CEP104: variants seen among roughly 807,000 people sequenced by gnomAD.
CEP104 encodes centrosomal protein of 104 kDa.
A neutral mutation model predicts 113.3 loss-of-function variants in CEP104; 84 were observed. That is an observed-to-expected ratio of 0.74 (90% CI 0.62 to 0.89). The LOEUF (loss-of-function observed/expected upper bound fraction) is 0.89, where lower values mean the gene tolerates loss of function less well. Ranked by LOEUF, CEP104 falls within the 40% of genes least tolerant of loss-of-function variation. The probability of loss-of-function intolerance (pLI) is 0.00; values close to 1 mark genes in which losing one functional copy is unlikely to be tolerated. For missense variants in CEP104, 1,053 were observed against 1,156.6 expected (o/e 0.91, Z 1.30); for synonymous variants, 378 against 421.7 (o/e 0.90, Z 1.27).
At chr1:3,835,376 CT>C (rs1434205186) in intron 10 of CEP104, among the ~76,000 whole-genome samples, 1 of 152,128 alleles carries the variant, frequency 6.6e-6, no homozygotes, top group Non-Finnish European at 1.5e-5. Context: ...GAAAACCCTA[CT>C]CATTTCTTTT....
intron 8 of CEP104, 138 bp downstream of exon 8, chr1:3,838,826 C>G (rs1644361446): frequency 1.1e-6 from 1 of 885,224 alleles, no homozygotes; most frequent in African/African-American, 1.7e-5. Flanking sequence ...AGAGCTGAGG[C>G]CATCCATAAC....
chr1:3,825,688 T>G (rs1644076409), intron 18 of CEP104, 70 bp downstream of exon 18: 1 of 998,844 alleles, frequency 1.0e-6, no homozygotes, highest in East Asian at 2.4e-5. Context: ...GACAGCTTTT[T>G]GACTCGGCCT....
At chr1:3,856,808 C>G (rs1217660001) in intron 1 of CEP104, 81 bp downstream of exon 1, 1 of 134,586 alleles carries the variant, frequency 7.4e-6, no homozygotes, top group Non-Finnish European at 1.5e-5. Context: ...GGACCGCGCC[C>G]CCGCGGCGCC....
Position 3,835,222 on chromosome 1 carries a change from G to T in CEP104, c.1318-130C>A. On this transcript the variant is annotated intron_variant, in intron 10 of 21. Coordinates refer to ENST00000378230, the MANE Select transcript of CEP104 (RefSeq NM_014704.4). Reference sequence around the variant, plus strand: ...GAACAGAACTTTTATAAATGAAAATGATTCATTTCTAATAATAGAACTTTT... The same window carrying T: ...GAACAGAACTTTTATAAATGAAAATTATTCATTTCTAATAATAGAACTTTT... The T allele has an allele frequency of 6.8e-6, 4 of 587,372 alleles. No individual in the cohort carries two copies. In the South Asian group the frequency reaches 1.9e-4, roughly 28 times the overall value. 36.4% of individuals were successfully genotyped at this position (587,372 alleles called of 1,614,324 possible).
chr1:3,833,945 C>T lies in CEP104; in HGVS notation c.1576G>A (p.Val526Met), dbSNP rs754686307. 1 of 1,614,082 alleles carries T rather than the reference C, an allele frequency of 6.2e-7. No homozygotes were observed. Among genetic ancestry groups the T allele is most frequent in the Non-Finnish European group, 8.5e-7 (1 of 1,179,906 alleles). Residue 526 changes from valine (V) to methionine (M), a missense_variant, in exon 12 of 22, where the codon GTG becomes ATG. By Grantham distance (21) the Val-to-Met change is conservative (BLOSUM62 1). Coordinates refer to ENST00000378230, the MANE Select transcript of CEP104 (RefSeq NM_014704.4). Reference sequence around the variant, plus strand: ...AGCAAAACGGGAATGGTCCTCTCCACACAGTGAGCTGTTTCAAGTTTACTC... The same window carrying T: ...AGCAAAACGGGAATGGTCCTCTCCATACAGTGAGCTGTTTCAAGTTTACTC... ...KLSKLETAHC[V>M]ERTIPVLLTR... is the part of the protein sequence containing the mutation.
Position 3,823,273 on chromosome 1 carries a change from C to G in CEP104, c.2504-32G>C. Reference sequence around the variant, plus strand: ...TGATTTTAAAAAGACTCAGTCGCTCCCTGAATGACAGGCGACAAGACATGC... The same window carrying G: ...TGATTTTAAAAAGACTCAGTCGCTCGCTGAATGACAGGCGACAAGACATGC... On this transcript the variant is annotated intron_variant, in intron 19 of 21. Coordinates refer to ENST00000378230, the MANE Select transcript of CEP104 (RefSeq NM_014704.4). This position sits in a 1 kb window ranked among gnomAD's most constrained non-coding sequence, Gnocchi z 4.1. 6.2e-7 allele frequency: 1 copy of G among 1,613,554 alleles called. No homozygotes were observed. The highest frequency in any genetic ancestry group is 8.5e-7 in the Non-Finnish European group (1 of 1,179,496).
At chr1:3,822,022 C>T (rs892893298) in intron 20 of CEP104, among the ~76,000 whole-genome samples, 9 of 152,168 alleles carry the variant, frequency 5.9e-5, no homozygotes, top group African/African-American at 1.4e-4. Context: ...AAAGCTCCGA[C>T]GGGAACATTT....
At chr1:3,852,594 G>A (rs1309990126) in intron 1 of CEP104, among the ~76,000 whole-genome samples, 173 bp from the exon 2 acceptor site, 2 of 152,050 alleles carry the variant, frequency 1.3e-5, no homozygotes, top group African/African-American at 4.8e-5. Context: ...TTTTATAGAT[G>A]CTTCTGGTTC....
At chr1:3,841,352 G>A (rs1463140400) in intron 6 of CEP104, among the ~76,000 whole-genome samples, 1 of 152,092 alleles carries the variant, frequency 6.6e-6, no homozygotes, top group African/African-American at 2.4e-5. Context: ...ACAGGCTGGC[G>A]GCTGGGACGG....
In CEP104 at chr1:3,838,339, C is replaced by T. The variant is rs184938197; in HGVS notation, c.891+625G>A. On this transcript the variant is annotated intron_variant, in intron 8 of 21. Transcript: ENST00000378230. ...GGCTATTACTTACTTTTTGTAGAGA[C>T]AGGGTCTCTCTATGTTGCCCAGGCT... 8.5e-5 allele frequency among the ~76,000 whole-genome samples: 13 copies of T among 152,268 alleles called. 1 individual carries two copies. In the East Asian group the frequency reaches 2.3e-3, roughly 27 times the overall value.
chr1:3,848,081 C>G (rs866711444), intron 3 of CEP104, among the ~76,000 whole-genome samples: 37 of 152,154 alleles, frequency 2.4e-4, no homozygotes, highest in African/African-American at 8.7e-4. Context: ...AGAAAATTTC[C>G]ACATCTGAAA....
At chr1:3,830,238 A>G (rs894633566) in intron 13 of CEP104, among the ~76,000 whole-genome samples, 8 of 150,872 alleles carry the variant, frequency 5.3e-5, no homozygotes, top group Non-Finnish European at 1.0e-4. Context: ...CTATAGTGCA[A>G]TTTCATCCCT....
At chr1:3,841,728 G>A (rs1407105024) in intron 6 of CEP104, among the ~76,000 whole-genome samples, 1 of 152,166 alleles carries the variant, frequency 6.6e-6, no homozygotes, top group African/African-American at 2.4e-5. Context: ...ATAAAACCCC[G>A]GGCGTGGGGC....
rs1361291756 is a variant in CEP104, at chr1:3,815,132, T to A, written c.*270A>T. On this transcript the variant is annotated 3_prime_UTR_variant, in exon 22 of 22. Coordinates refer to ENST00000378230, the MANE Select transcript of CEP104 (RefSeq NM_014704.4). ...TCTCTCCAAACAGGACGCTTCCTTC[T>A]CTGATTCTAAGGAAGGCCTGAGACA... 2.2e-6 allele frequency: 1 copy of A among 449,608 alleles called. No individual in the cohort carries two copies. Among genetic ancestry groups the A allele is most frequent in the East Asian group, 4.3e-5 (1 of 23,030 alleles). The allele number at this position is 449,608 out of a possible 1,614,324, so 27.9% of individuals were successfully genotyped here.
In CEP104 at chr1:3,848,628, T is replaced by C; in HGVS notation, c.267A>G (p.Ala89=). Reference sequence around the variant, plus strand: ...CTTACCCAAGTCTTCGAAACCGCTCTGCTTGATAGGGTGCAAAATATTCAG... The same window carrying C: ...CTTACCCAAGTCTTCGAAACCGCTCCGCTTGATAGGGTGCAAAATATTCAG... ...SLPEYFAPYQ[A]ERFRRLGYVS... Residue 89 remains alanine (A), a synonymous_variant, in exon 3 of 22, where the codon GCA becomes GCG. Coordinates refer to ENST00000378230, the MANE Select transcript of CEP104 (RefSeq NM_014704.4). The C allele has an allele frequency of 6.2e-7, 1 of 1,611,916 alleles. No homozygotes were observed. Among genetic ancestry groups the C allele is most frequent in the African/African-American group, 1.3e-5 (1 of 74,874 alleles).
At position 3,815,327 on chromosome 1, in the gene CEP104, G is replaced by C. The variant is rs967349015; in HGVS notation, c.*75C>G. On this transcript the variant is annotated 3_prime_UTR_variant, in exon 22 of 22. Coordinates refer to ENST00000378230, the MANE Select transcript of CEP104 (RefSeq NM_014704.4). ...AGAGCATGGGGCCACCAAGGCCAGA[G>C]AGTTCTGGAGAGATGGTGTAGAATC... 1.1e-4 allele frequency: 125 copies of C among 1,140,030 alleles called. No individual in the cohort carries two copies. Among genetic ancestry groups the C allele is most frequent in the Non-Finnish European group, 1.5e-4 (120 of 785,018 alleles). The allele number at this position is 1,140,030 out of a possible 1,614,324, so 70.6% of individuals were successfully genotyped here. A position where few individuals can be genotyped will look rare whatever the true frequency, so the allele number is the denominator to read the frequency against.
rs1334004284 is a variant in CEP104, at chr1:3,812,642, A to C, written c.*2760T>G. The C allele has an allele frequency of 6.6e-6, 1 of 152,200 alleles. No homozygotes were observed. Among genetic ancestry groups the C allele is most frequent in the African/African-American group, 2.4e-5 (1 of 41,436 alleles). The allele number at this position is 152,200 out of a possible 1,614,324, so 9.4% of individuals were successfully genotyped here. On this transcript the variant is annotated 3_prime_UTR_variant, in exon 22 of 22. Transcript: ENST00000378230. ...ATCACAAGGTCAGGAGTTTGAGACC[A>C]GCCTGGCCAATATGGTGAAACCCCG...
At chr1:3,836,213 G>A (rs997317090) in intron 10 of CEP104, among the ~76,000 whole-genome samples, 7 of 151,786 alleles carry the variant, frequency 4.6e-5, no homozygotes, top group Non-Finnish European at 8.8e-5. Flanking sequence ...GGCTGAGGTA[G>A]GAGAACAGGG....
In CEP104 at chr1:3,852,371, A is replaced by G. The variant is rs1209342079; in HGVS notation, c.37T>C (p.Ser13Pro). 2.5e-6 allele frequency: 4 copies of G among 1,614,118 alleles called. No homozygotes were observed. The highest frequency in any genetic ancestry group is 3.4e-6 in the Non-Finnish European group (4 of 1,180,028). Reference protein sequence around the residue: ...HKIGFVVVSSSGHEDGFSARE... With the variant: ...HKIGFVVVSSPGHEDGFSARE... ...GCACTGAAGCCGTCTTCGTGTCCAG[A>G]TGAGCTGACGACTACAAATCCAATC... Residue 13 changes from serine (S) to proline (P), a missense_variant, in exon 2 of 22, where the codon TCT becomes CCT. Physicochemically the swap from Ser to Pro is moderately conservative, Grantham distance 74. Transcript: ENST00000378230.
Sources: gnomAD v4.1 joint callset for allele counts (sites outside exome capture counted in the v4.1 genomes callset) on GRCh38, gnomAD v4.1.1 for gene constraint, Gnocchi (gnomAD v3.1) non-coding constraint, MANE v1.5 for transcripts, NCBI Gene and HGNC (gene_info 2026-07-23, HGNC 2026-07-21) for gene names.